The following CSGALNACT1 variants were observed in gnomAD, a reference collection of about 807,000 sequenced individuals.
CSGALNACT1 encodes the protein chondroitin sulfate N-acetylgalactosaminyltransferase 1, also known as beta4GalNAcT-1.
Under a neutral mutation model 51.0 loss-of-function variants are expected in CSGALNACT1, and 52 were observed. The observed-to-expected ratio is 1.02, with a 90% CI of 0.82 to 1.29. CSGALNACT1 has a LOEUF of 1.29. Among genes scored for constraint, CSGALNACT1 ranks in the 50% most tolerant of loss-of-function variants. The probability of loss-of-function intolerance (pLI) is 0.00; values close to 1 mark genes in which losing one functional copy is unlikely to be tolerated. For missense variants in CSGALNACT1, 935 were observed against 679.2 expected (o/e 1.38, Z -4.19); for synonymous variants, 341 against 254.4 (o/e 1.34, Z -3.24).
At chr8:19,457,679 T>C (rs1353137805) in intron 5 of CSGALNACT1, 9 of 1,302,836 alleles carry the variant, frequency 6.9e-6, no homozygotes, top group Non-Finnish European at 9.0e-6. Flanking sequence ...GGATTTTCTA[T>C]GTTTAAAACA....
chr8:19,714,217 G>A (rs2062671968), intron 1 of CSGALNACT1, among the ~76,000 whole-genome samples: 2 of 152,066 alleles, frequency 1.3e-5, no homozygotes, highest in Non-Finnish European at 2.9e-5. Flanking sequence ...CCTAACTCCA[G>A]CCCTCTAATT....
intron 1 of CSGALNACT1, among the ~76,000 whole-genome samples, chr8:19,724,608 A>G (rs1165107156): frequency 6.6e-6 from 1 of 152,214 alleles, no homozygotes; most frequent in Non-Finnish European, 1.5e-5. Flanking sequence ...AACAGATTAC[A>G]ATGACAAGGA....
intron 3 of CSGALNACT1, among the ~76,000 whole-genome samples, chr8:19,590,690 C>T (rs1267480200): frequency 7.3e-6 from 1 of 137,594 alleles, no homozygotes; most frequent in African/African-American, 2.9e-5. Flanking sequence ...CGCTCTGTCG[C>T]CCAGGCTGGA....
intron 1 of CSGALNACT1, among the ~76,000 whole-genome samples, chr8:19,666,831 G>GAGAGAGAGAGAAAGAA (rs1554794476): frequency 2.4e-4 from 6 of 24,938 alleles, no homozygotes; most frequent in East Asian, 7.6e-4. Context: ...GAGAGAGAGA[G>GAGAGAGAGAGAAAGAA]AGAAAGAAAG....
At chr8:19,741,894 T>A (rs1178606826) in intron 1 of CSGALNACT1, among the ~76,000 whole-genome samples, 3 of 152,158 alleles carry the variant, frequency 2.0e-5, no homozygotes, top group Non-Finnish European at 4.4e-5. Context: ...ATAATCTTAA[T>A]CCTATCAACA....
At chr8:19,514,231 G>A (rs906922212) in intron 3 of CSGALNACT1, among the ~76,000 whole-genome samples, 1 of 151,956 alleles carries the variant, frequency 6.6e-6, no homozygotes, top group Admixed American at 6.6e-5. Flanking sequence ...AGAGTTTGGA[G>A]TTGGCTGTGG....
At chr8:19,632,024 G>A (rs1303026350) in intron 1 of CSGALNACT1, among the ~76,000 whole-genome samples, 3 of 152,150 alleles carry the variant, frequency 2.0e-5, no homozygotes, top group Non-Finnish European at 4.4e-5. Context: ...TTCAAATAGT[G>A]GAAGATATTT....
intron 4 of CSGALNACT1, among the ~76,000 whole-genome samples, chr8:19,468,247 G>C (rs948409274): frequency 1.3e-5 from 2 of 152,132 alleles, no homozygotes; most frequent in African/African-American, 4.8e-5. Flanking sequence ...GCATTTTAAG[G>C]AAAGATAATC....
intron 1 of CSGALNACT1, among the ~76,000 whole-genome samples, chr8:19,704,423 A>G (rs1340729397): frequency 6.6e-6 from 1 of 152,238 alleles, no homozygotes; most frequent in Non-Finnish European, 1.5e-5. Flanking sequence ...AGTCAAAAAT[A>G]TCAAGTGTTG....
intron 1 of CSGALNACT1, among the ~76,000 whole-genome samples, chr8:19,687,830 C>T (rs1309895399): frequency 2.0e-5 from 3 of 152,188 alleles, no homozygotes; most frequent in African/African-American, 4.8e-5. Flanking sequence ...ATGGCTGACA[C>T]TTCCAGGACA....
upstream of CSGALNACT1, among the ~76,000 whole-genome samples, chr8:19,685,840 G>A (rs983943975): frequency 6.6e-6 from 1 of 152,196 alleles, no homozygotes; most frequent in Non-Finnish European, 1.5e-5. Context: ...TAGTTTTGGA[G>A]TAAGGAGGCT....
At chr8:19,539,591 A>C (rs1255788057) in intron 3 of CSGALNACT1, among the ~76,000 whole-genome samples, 2 of 152,234 alleles carry the variant, frequency 1.3e-5, no homozygotes, top group Non-Finnish European at 2.9e-5. Context: ...AATATAATGC[A>C]ACCAAGACTG....
chr8:19,423,444 T>A (rs1165876974), intron 6 of CSGALNACT1, among the ~76,000 whole-genome samples: 1 of 152,174 alleles, frequency 6.6e-6, no homozygotes, highest in Non-Finnish European at 1.5e-5. Context: ...GTGGTGTGCA[T>A]GCTTACCTAA....
At chr8:19,610,583 C>A (rs2052098870) in intron 1 of CSGALNACT1, among the ~76,000 whole-genome samples, 1 of 152,110 alleles carries the variant, frequency 6.6e-6, no homozygotes, top group Admixed American at 6.5e-5. Context: ...CACCGGCAGG[C>A]GCCAGCAGGC....
chr8:19,521,668 A>G (rs2080737299), intron 3 of CSGALNACT1, among the ~76,000 whole-genome samples: 1 of 152,220 alleles, frequency 6.6e-6, no homozygotes, highest in Non-Finnish European at 1.5e-5. Flanking sequence ...CAAAAAAAAT[A>G]AAAACAAGAA....
At chr8:19,752,574 A>G (rs1011501070) in intron 1 of CSGALNACT1, among the ~76,000 whole-genome samples, 10 of 152,224 alleles carry the variant, frequency 6.6e-5, no homozygotes, top group Middle Eastern at 3.2e-3. Context: ...AGATGAACAT[A>G]CCACAAAAAT....
intron 3 of CSGALNACT1, among the ~76,000 whole-genome samples, chr8:19,573,411 T>C (rs1460932165): frequency 6.6e-6 from 1 of 152,178 alleles, no homozygotes; most frequent in East Asian, 1.9e-4. Flanking sequence ...TCACTCTTAG[T>C]TGACTAAGAG....
intron 3 of CSGALNACT1, among the ~76,000 whole-genome samples, chr8:19,583,581 T>C (rs1241688481): frequency 6.6e-6 from 1 of 152,172 alleles, no homozygotes; most frequent in Admixed American, 6.5e-5. Context: ...AATCTCAGTA[T>C]TTTCTACTAA....
intron 3 of CSGALNACT1, among the ~76,000 whole-genome samples, chr8:19,529,041 A>G (rs1046276945): frequency 2.6e-5 from 4 of 152,192 alleles, no homozygotes; most frequent in Admixed American, 2.6e-4. Flanking sequence ...TGAAGTCTCA[A>G]AATTTGAATA....
Sources: gnomAD v4.1 joint callset for allele counts (sites outside exome capture counted in the v4.1 genomes callset) on GRCh38, gnomAD v4.1.1 for gene constraint, MANE v1.5 for transcripts, NCBI Gene and HGNC (gene_info 2026-07-23, HGNC 2026-07-21) for gene names.